Variants in AUTS2 observed in about 807,000 individuals in gnomAD.
AUTS2 encodes the protein activator of transcription and developmental regulator AUTS2, also known as autism susceptibility gene 2 protein.
A neutral mutation model predicts 112.4 loss-of-function variants in AUTS2; 17 were observed. That is an observed-to-expected ratio of 0.15 (90% confidence interval 0.10 to 0.23). The LOEUF is 0.23. Ranked by LOEUF, AUTS2 falls within the 10% of genes least tolerant of loss-of-function variation. The pLI is 1.00. For synonymous variants in AUTS2, 751 were observed against 702.7 expected, an observed-to-expected ratio of 1.07 and a Z score of -1.09; for missense variants, 1,510 against 1,701.6, an observed-to-expected ratio of 0.89 and a Z score of 1.98.
intron 2 of AUTS2, among the ~76,000 whole-genome samples, chr7:70,104,883 G>A (rs908610445): frequency 4.6e-5 from 7 of 151,970 alleles, no homozygotes; most frequent in Non-Finnish European, 1.0e-4. Flanking sequence ...ATTCCATGGT[G>A]TGATGAGAAT....
At chr7:70,056,244 C>G (rs574705212) in intron 2 of AUTS2, among the ~76,000 whole-genome samples, 7 of 152,310 alleles carry the variant, frequency 4.6e-5, no homozygotes, top group African/African-American at 1.7e-4. Context: ...CTCATCTTCC[C>G]AAAGTGCTCA....
intron 1 of AUTS2, among the ~76,000 whole-genome samples, chr7:69,634,469 A>T (rs1373918938): frequency 6.6e-6 from 1 of 152,164 alleles, no homozygotes; most frequent in Non-Finnish European, 1.5e-5. Context: ...TGCCACCCTT[A>T]ATCTGTCCTA....
Position 70,791,609 on chromosome 7 carries a change from T to C in AUTS2, c.*613T>C, listed in dbSNP as rs1354124483. 6.6e-6 allele frequency: 1 copy of C among 152,670 alleles called. No homozygotes were observed. The highest frequency in any genetic ancestry group is 2.4e-5 in the African/African-American group (1 of 41,458). The allele number at this position is 152,670 out of a possible 1,614,324, so 9.5% of individuals were successfully genotyped here. ...CTAAACCCTTCAACTATGCAATGAA[T>C]GTTCGGGCTTTTCACAAAAGCCCGC... On this transcript the variant is annotated 3_prime_UTR_variant, in exon 19 of 19. Coordinates refer to ENST00000342771, the MANE Select transcript of AUTS2 (RefSeq NM_015570.4).
chr7:70,327,903 G>A (rs1790564172), intron 4 of AUTS2, among the ~76,000 whole-genome samples: 1 of 152,118 alleles, frequency 6.6e-6, no homozygotes. Flanking sequence ...TGGTACTTAG[G>A]TATCTCCTGT....
At chr7:70,397,629 A>G (rs1182965282) in intron 4 of AUTS2, among the ~76,000 whole-genome samples, 1 of 151,308 alleles carries the variant, frequency 6.6e-6, no homozygotes, top group African/African-American at 2.4e-5. Flanking sequence ...TTATTTATTT[A>G]CATATGTATA....
chr7:70,738,202 G>C (rs1301952444), intron 6 of AUTS2, among the ~76,000 whole-genome samples: 1 of 152,066 alleles, frequency 6.6e-6, no homozygotes, highest in Admixed American at 6.6e-5. Flanking sequence ...ATGCAAAAAT[G>C]CTGGGAGTGG....
chr7:69,821,916 CAAAAAAAAAA>C (rs34912846), intron 1 of AUTS2, among the ~76,000 whole-genome samples: 1 of 76,830 alleles, frequency 1.3e-5, no homozygotes, highest in African/African-American at 4.8e-5. Context: ...ACAGGGTCTC[CAAAAAAAAAA>C]AAAAAAAAAA....
At position 69,667,552 on chromosome 7, in the gene AUTS2, C is replaced by T. The variant is rs368597776; in HGVS notation, c.309+67590C>T. The stretch of plus-strand genomic sequence containing the variant: ...TGTATTTTTAGTAGAGATGGGGTTT[C>T]GCCATATTGGCCAGGCTGGTCTCAA... On this transcript the variant is annotated intron_variant, in intron 1 of 18. Coordinates refer to ENST00000342771, the MANE Select transcript of AUTS2 (RefSeq NM_015570.4). Among the ~76,000 whole-genome samples, 164 of 151,962 alleles carry T rather than the reference C, an allele frequency of 1.1e-3. 2 individuals are homozygous for T. The highest frequency in any genetic ancestry group is 6.4e-3 in the South Asian group (31 of 4,810).
chr7:70,237,854 C>A (rs1005051407), intron 4 of AUTS2, among the ~76,000 whole-genome samples: 2 of 152,144 alleles, frequency 1.3e-5, no homozygotes, highest in African/African-American at 4.8e-5. Context: ...AATATTATCC[C>A]CTCGGCACAT....
At chr7:69,953,887 A>G (rs1243122620) in intron 2 of AUTS2, among the ~76,000 whole-genome samples, 1 of 152,100 alleles carries the variant, frequency 6.6e-6, no homozygotes. Flanking sequence ...CTTTAGAGTC[A>G]AGGGCTGGCC....
At chr7:69,666,770 T>A (rs1796066152) in intron 1 of AUTS2, among the ~76,000 whole-genome samples, 1 of 152,026 alleles carries the variant, frequency 6.6e-6, no homozygotes, top group Admixed American at 6.6e-5. Context: ...GGTGTGGTGG[T>A]GTACACCTAT....
intron 2 of AUTS2, among the ~76,000 whole-genome samples, chr7:70,117,104 G>GTT (rs61076536): frequency 5.7e-4 from 45 of 78,404 alleles, no homozygotes; most frequent in African/African-American, 1.8e-3. Flanking sequence ...GATGACTTTT[G>GTT]TTTTTTTTTT....
chr7:70,151,939 G>T (rs942844133), intron 4 of AUTS2, among the ~76,000 whole-genome samples: 8 of 152,252 alleles, frequency 5.3e-5, no homozygotes, highest in South Asian at 2.1e-4. Context: ...AATTAACAGA[G>T]AATGATATTT....
chr7:69,966,001 A>G (rs1797622979), intron 2 of AUTS2, among the ~76,000 whole-genome samples: 1 of 152,174 alleles, frequency 6.6e-6, no homozygotes, highest in African/African-American at 2.4e-5. Flanking sequence ...GACTTGAGGT[A>G]GGGGTAGGGT....
chr7:70,685,459 C>T (rs1481695513), intron 5 of AUTS2, among the ~76,000 whole-genome samples: 2 of 107,862 alleles, frequency 1.9e-5, no homozygotes, highest in East Asian at 5.5e-4. Context: ...AGTGACAGAG[C>T]AAGACTCTGT....
intron 2 of AUTS2, among the ~76,000 whole-genome samples, chr7:70,106,751 A>G (rs1286233332): frequency 2.0e-5 from 3 of 152,106 alleles, no homozygotes; most frequent in Non-Finnish European, 4.4e-5. Context: ...CCATCTTAAA[A>G]ATTTACCCAG....
intron 4 of AUTS2, among the ~76,000 whole-genome samples, chr7:70,313,090 A>C (rs1789835461): frequency 6.6e-6 from 1 of 152,204 alleles, no homozygotes; most frequent in South Asian, 2.1e-4. Flanking sequence ...ACTGCAGAGC[A>C]ACACATTTAG....
intron 5 of AUTS2, among the ~76,000 whole-genome samples, chr7:70,619,200 A>G (rs1032725743): frequency 6.6e-6 from 1 of 152,118 alleles, no homozygotes; most frequent in African/African-American, 2.4e-5. Context: ...TAGAGCATCT[A>G]TGAAATGGGG....
chr7:70,063,429 C>A (rs1584661012), intron 2 of AUTS2, among the ~76,000 whole-genome samples: 1 of 152,002 alleles, frequency 6.6e-6, no homozygotes, highest in Non-Finnish European at 1.5e-5. Flanking sequence ...AGTCTTAAAC[C>A]CAAGCAAGTT....
Sources: gnomAD v4.1 joint callset for allele counts (sites outside exome capture counted in the v4.1 genomes callset) on GRCh38, gnomAD v4.1.1 for gene constraint, MANE v1.5 for transcripts, NCBI Gene and HGNC (gene_info 2026-07-23, HGNC 2026-07-21) for gene names.